The following STX8 variants were observed in gnomAD, a reference collection of about 807,000 sequenced individuals.
The protein encoded by STX8 is syntaxin-8.
Under a neutral mutation model 37.5 loss-of-function variants are expected in STX8, and 23 were observed. That is an observed-to-expected ratio of 0.61 (90% CI 0.44 to 0.87). The LOEUF (loss-of-function observed/expected upper bound fraction) is 0.87. Among genes scored for constraint, STX8 ranks in the 40% least tolerant of loss-of-function variants. STX8 has a pLI of 0.00. For missense variants in STX8, 313 were observed against 284.7 expected (o/e 1.10, Z -0.71); for synonymous variants, 115 against 99.1 (o/e 1.16, Z -0.95).
At chr17:9,519,174 A>G (rs1002625518) in intron 4 of STX8, among the ~76,000 whole-genome samples, 4 of 152,150 alleles carry the variant, frequency 2.6e-5, no homozygotes, top group Admixed American at 2.6e-4. Flanking sequence ...GTCTCTACCC[A>G]TAATATCTCC....
chr17:9,255,983 G>A (rs943238760), intron 7 of STX8, among the ~76,000 whole-genome samples: 3 of 152,192 alleles, frequency 2.0e-5, no homozygotes, highest in Admixed American at 6.6e-5. Context: ...AGGATGTTTC[G>A]GAATGAGTAA....
In STX8 at chr17:9,426,504, G is replaced by A. The variant is rs527731351; in HGVS notation, c.542-47851C>T. Among the ~76,000 whole-genome samples, 46 of 152,254 alleles carry A rather than the reference G, an allele frequency of 3.0e-4. No homozygotes were observed. The South Asian group carries it at 9.3e-3, about 31-fold the overall frequency. On this transcript the variant is annotated intron_variant, in intron 6 of 7. Transcript: ENST00000306357. ...ATCGTGCCACTGCACTCCAGCCTGG[G>A]TCACAAAGCAAAACTCCATCTTGAA... is the stretch of plus-strand genomic sequence containing the variant.
chr17:9,562,421 A>C (rs988866447), intron 2 of STX8, among the ~76,000 whole-genome samples: 4 of 152,026 alleles, frequency 2.6e-5, no homozygotes, highest in Non-Finnish European at 4.4e-5. Flanking sequence ...AAAAAAAAAA[A>C]AACTTTCACA....
At chr17:9,307,368 C>T (rs1007883342) in intron 7 of STX8, among the ~76,000 whole-genome samples, 1 of 152,182 alleles carries the variant, frequency 6.6e-6, no homozygotes, top group Non-Finnish European at 1.5e-5. Flanking sequence ...CTGACCCCCA[C>T]ATGGGGCAAC....
intron 4 of STX8, among the ~76,000 whole-genome samples, chr17:9,527,665 A>T (rs1206636873): frequency 6.6e-6 from 1 of 152,194 alleles, no homozygotes; most frequent in Non-Finnish European, 1.5e-5. Flanking sequence ...GCTGCAATTC[A>T]AAAGAAGATA....
intron 7 of STX8, among the ~76,000 whole-genome samples, chr17:9,335,096 C>A (rs1350278618): frequency 6.6e-6 from 1 of 152,144 alleles, no homozygotes; most frequent in Non-Finnish European, 1.5e-5. Context: ...TCAAACTATT[C>A]ACCCCACCAC....
chr17:9,348,479 A>T (rs540291175), intron 7 of STX8, among the ~76,000 whole-genome samples: 1 of 128,252 alleles, frequency 7.8e-6, no homozygotes, highest in Admixed American at 7.6e-5. Context: ...ACCATTCATA[A>T]TCTAATAAAC....
chr17:9,449,175 T>C (rs576775800), intron 6 of STX8, among the ~76,000 whole-genome samples: 1 of 152,168 alleles, frequency 6.6e-6, no homozygotes, highest in Non-Finnish European at 1.5e-5. Context: ...AAAACAATTG[T>C]TCACACAAAA....
chr17:9,383,371 T>C (rs879599975), intron 6 of STX8, among the ~76,000 whole-genome samples: 6 of 152,202 alleles, frequency 3.9e-5, no homozygotes, highest in Admixed American at 1.3e-4. Flanking sequence ...AAGGAGCTAA[T>C]AGTATGATCA....
intron 6 of STX8, among the ~76,000 whole-genome samples, chr17:9,473,888 A>G (rs1049900648): frequency 6.6e-6 from 1 of 152,176 alleles, no homozygotes; most frequent in Non-Finnish European, 1.5e-5. Context: ...AACACATCAG[A>G]TAATAACTCA....
chr17:9,395,580 A>G (rs1437964199), intron 6 of STX8, among the ~76,000 whole-genome samples: 1 of 152,208 alleles, frequency 6.6e-6, no homozygotes, highest in Non-Finnish European at 1.5e-5. Context: ...TGTCTCAAAC[A>G]AAACAAAACA....
chr17:9,458,241 C>T (rs1263757889), intron 6 of STX8, among the ~76,000 whole-genome samples: 1 of 152,252 alleles, frequency 6.6e-6, no homozygotes, highest in East Asian at 1.9e-4. Context: ...GCTCCGCCTC[C>T]TGGGCTCACG....
chr17:9,441,672 CTTTTTTT>C (rs1161609414), intron 6 of STX8, among the ~76,000 whole-genome samples: 5,083 of 93,364 alleles, frequency 0.054, 272 homozygotes, highest in African/African-American at 0.16. Context: ...AGCACCATGG[CTTTTTTT>C]TTTTTTTTTT....
chr17:9,260,688 G>T (rs1490408376), intron 7 of STX8, among the ~76,000 whole-genome samples: 1 of 152,184 alleles, frequency 6.6e-6, no homozygotes, highest in Non-Finnish European at 1.5e-5. Context: ...TCTTTAGAGT[G>T]GCCAGGCCAG....
At chr17:9,437,232 C>G (rs192966254) in intron 6 of STX8, among the ~76,000 whole-genome samples, 2 of 152,222 alleles carry the variant, frequency 1.3e-5, no homozygotes, top group Non-Finnish European at 2.9e-5. Flanking sequence ...TAAATGCGCT[C>G]TGGTCTCCAA....
intron 2 of STX8, among the ~76,000 whole-genome samples, chr17:9,564,808 C>T (rs1333534843): frequency 2.0e-5 from 3 of 152,192 alleles, no homozygotes; most frequent in Non-Finnish European, 4.4e-5. Context: ...CAATGCCATT[C>T]CTATTAAACT....
At chr17:9,323,560 G>A (rs1380678372) in intron 7 of STX8, among the ~76,000 whole-genome samples, 1 of 152,156 alleles carries the variant, frequency 6.6e-6, no homozygotes, top group Non-Finnish European at 1.5e-5. Flanking sequence ...GCAATCAGAA[G>A]AACGGTGGGA....
At chr17:9,436,381 C>T (rs1387963350) in intron 6 of STX8, among the ~76,000 whole-genome samples, 1 of 150,878 alleles carries the variant, frequency 6.6e-6, no homozygotes, top group African/African-American at 2.4e-5. Flanking sequence ...CTTTGACTTG[C>T]CAAAAGAGAG....
chr17:9,515,304 T>A (rs1000683492), intron 4 of STX8, among the ~76,000 whole-genome samples: 1 of 152,214 alleles, frequency 6.6e-6, no homozygotes, highest in African/African-American at 2.4e-5. Context: ...GTTTAGAACT[T>A]TAAAGCCTTT....
Sources: allele counts gnomAD v4.1 joint callset (sites outside exome capture counted in the v4.1 genomes callset), GRCh38; gene constraint gnomAD v4.1.1; transcripts MANE v1.5; gene names NCBI Gene and HGNC (gene_info 2026-07-23, HGNC 2026-07-21).